Variants in PRPS1 observed in about 807,000 individuals in gnomAD.
PRPS1 encodes ribose-phosphate pyrophosphokinase 1.
A neutral mutation model predicts 16.9 loss-of-function variants in PRPS1; 1 was observed. The observed-to-expected ratio is 0.06, with a 90% CI of 0.02 to 0.28. The LOEUF (loss-of-function observed/expected upper bound fraction) is 0.28, where lower values mean the gene tolerates loss of function less well. Ranked by LOEUF, PRPS1 falls within the 10% of genes least tolerant of loss-of-function variation. PRPS1 has a pLI of 1.00. For synonymous variants in PRPS1, 70 were observed against 90.2 expected, an observed-to-expected ratio of 0.78 and a Z score of 1.27; for missense variants, 47 against 254.0, an observed-to-expected ratio of 0.19 and a Z score of 5.54.
At chrX:107,635,657 G>A (rs1213747184) in intron 1 of PRPS1, among the ~76,000 whole-genome samples, 1 of 110,023 alleles carries the variant, frequency 9.1e-6, no homozygotes, top group Non-Finnish European at 1.9e-5. Flanking sequence ...TCAAACTCTT[G>A]GGCTCAAGCG....
At chrX:107,639,054 A>G (rs1426524699) in intron 1 of PRPS1, among the ~76,000 whole-genome samples, 1 of 112,504 alleles carries the variant, frequency 8.9e-6, no homozygotes, top group African/African-American at 3.2e-5. Context: ...ACTTTAAATC[A>G]TCTCTAGATT....
chrX:107,645,537 A>G (rs756236747), intron 5 of PRPS1, among the ~76,000 whole-genome samples, 187 bp downstream of exon 5: 1 of 110,504 alleles, frequency 9.0e-6, no homozygotes, highest in Non-Finnish European at 1.9e-5. Context: ...TTTTTTTCAG[A>G]TTTTCTTATT....
At chrX:107,645,412 G>A in intron 5 of PRPS1, 62 bp downstream of exon 5, 1 of 1,173,979 alleles carries the variant, frequency 8.5e-7, no homozygotes, top group South Asian at 1.8e-5. Context: ...CTGTCTGAAT[G>A]TCTTCAGCCT....
intron 1 of PRPS1, among the ~76,000 whole-genome samples, chrX:107,632,200 C>T (rs1029304366): frequency 1.8e-5 from 2 of 112,085 alleles, no homozygotes; most frequent in African/African-American, 6.5e-5. Context: ...AGATCTCTCA[C>T]CTGGCTTTAA....
chrX:107,634,772 G>A (rs2041417821), intron 1 of PRPS1, among the ~76,000 whole-genome samples: 2 of 110,427 alleles, frequency 1.8e-5, no homozygotes, highest in South Asian at 7.6e-4. Context: ...TGTAAAGGGA[G>A]ATAAGCCACT....
At chrX:107,635,952 C>A (rs1038161180) in intron 1 of PRPS1, among the ~76,000 whole-genome samples, 12 of 102,786 alleles carry the variant, frequency 1.2e-4, no homozygotes, top group Non-Finnish European at 2.0e-5. Context: ...TCCAGCTACT[C>A]GGGAGGCTGA....
chrX:107,650,054 T>C lies in PRPS1; in HGVS notation c.*22T>C, dbSNP rs779558146. ...ATAATAGAGTAACTTCTGAGGCTTT[T>C]TGAGAATAAAATCCACCCCACCCTT... On this transcript the variant is annotated 3_prime_UTR_variant, in exon 7 of 7. Coordinates refer to ENST00000372435, the MANE Select transcript of PRPS1 (RefSeq NM_002764.4). The C allele has an allele frequency of 8.3e-7, 1 of 1,211,662 alleles. No homozygotes were observed. The highest frequency in any genetic ancestry group is 1.8e-5 in the South Asian group (1 of 57,014).
chrX:107,646,638 A>G (rs1261238260), intron 5 of PRPS1, among the ~76,000 whole-genome samples: 2 of 112,327 alleles, frequency 1.8e-5, no homozygotes, highest in Non-Finnish European at 3.8e-5. Context: ...GCACACTCCA[A>G]TGCAAGTGTT....
intron 1 of PRPS1, among the ~76,000 whole-genome samples, chrX:107,635,825 T>C (rs1460399034): frequency 1.8e-5 from 2 of 108,980 alleles, no homozygotes; most frequent in East Asian, 2.9e-4. Context: ...CTTTGGGAGG[T>C]CAAGGCGGGC....
At chrX:107,639,804 A>C (rs1445524472) in intron 2 of PRPS1, among the ~76,000 whole-genome samples, 1 of 111,598 alleles carries the variant, frequency 9.0e-6, no homozygotes, top group Non-Finnish European at 1.9e-5. Flanking sequence ...TCAAACTGTA[A>C]GATTGGGATC....
In PRPS1 at chrX:107,640,891, C is replaced by A; in HGVS notation, c.307-11C>A. 2.5e-6 allele frequency: 3 copies of A among 1,210,102 alleles called. No homozygotes were observed. The highest frequency in any genetic ancestry group is 3.4e-6 in the Non-Finnish European group (3 of 894,216). ...TTTTGGTTTTTCTTTTCTTTCCTCC[C>A]CTCCATTTAGAGCCGGGCGCCAATC... On this transcript the variant is annotated splice_polypyrimidine_tract_variant and intron_variant, in intron 2 of 6. Transcript: ENST00000372435.
At chrX:107,641,065 C>T in intron 3 of PRPS1, 65 bp downstream of exon 3, 1 of 1,211,063 alleles carries the variant, frequency 8.3e-7, no homozygotes, top group Non-Finnish European at 1.1e-6. Flanking sequence ...ATGCTGAAGA[C>T]TGCAGAGAAG....
In PRPS1 at chrX:107,645,326, G is replaced by A. The variant is rs769401404; in HGVS notation, c.680G>A (p.Gly227Asp). The change falls in exon 5 of 7, where the codon GGC (glycine) becomes GAC (aspartate). Residue 227 changes from glycine to aspartate, a missense_variant. By Grantham distance (94) the Gly-to-Asp change is moderately conservative (BLOSUM62 -1). Around this residue, in one of 3 missense-constraint regions of PRPS1, gnomAD observed 26 missense variants for 70.2 expected, o/e 0.37. Transcript: ENST00000372435. ...GTGGATGACATGGCTGACACTTGTGGCACAATCTGCCATGCAGCTGACAAG... is the reference window on the plus strand; with the variant it reads ...GTGGATGACATGGCTGACACTTGTGACACAATCTGCCATGCAGCTGACAAG... Reference protein sequence around the residue: ...ILVDDMADTCGTICHAADKLL... With the variant: ...ILVDDMADTCDTICHAADKLL... 1.7e-6 allele frequency: 2 copies of A among 1,210,239 alleles called. No homozygotes were observed. The highest frequency in any genetic ancestry group is 2.2e-6 in the Non-Finnish European group (2 of 895,374).
chrX:107,649,877 G>A, intron 6 of PRPS1, 63 bp from the exon 7 acceptor site: 1 of 1,211,016 alleles, frequency 8.3e-7, no homozygotes, highest in Non-Finnish European at 1.1e-6. Context: ...ATCAGTGTCT[G>A]CAAATTGGCC....
chrX:107,638,810 G>T (rs1430185200), intron 1 of PRPS1, among the ~76,000 whole-genome samples: 2 of 111,103 alleles, frequency 1.8e-5, no homozygotes, highest in Non-Finnish European at 3.8e-5. Flanking sequence ...TTAGCTCACT[G>T]CAACCTCCGC....
At chrX:107,644,805 ATTTCTTTT>A (rs1925653619) in intron 4 of PRPS1, among the ~76,000 whole-genome samples, 1 of 109,144 alleles carries the variant, frequency 9.2e-6, no homozygotes, top group Non-Finnish European at 1.9e-5. Context: ...TCTTTAGTCC[ATTTCTTTT>A]TTTCTTTTTT....
intron 4 of PRPS1, among the ~76,000 whole-genome samples, chrX:107,644,822 T>C (rs1017045651): frequency 5.4e-5 from 6 of 110,942 alleles, no homozygotes; most frequent in Non-Finnish European, 1.1e-4. Flanking sequence ...TTTTTCTTTT[T>C]TTTTTGTTTT....
intron 1 of PRPS1, among the ~76,000 whole-genome samples, chrX:107,631,967 G>A (rs1484388322): frequency 8.9e-6 from 1 of 112,776 alleles, no homozygotes; most frequent in Non-Finnish European, 1.9e-5. Context: ...GGGATTATAG[G>A]TGTGAGCTAC....
At chrX:107,648,709 AT>A (rs764913865) in intron 6 of PRPS1, among the ~76,000 whole-genome samples, 1 of 107,529 alleles carries the variant, frequency 9.3e-6, no homozygotes, top group African/African-American at 3.4e-5. Context: ...ATTCTTAAGG[AT>A]TTTTTTTCAA....
Sources: allele counts gnomAD v4.1 joint callset (sites outside exome capture counted in the v4.1 genomes callset), GRCh38; gene constraint gnomAD v4.1.1; regional missense constraint gnomAD v4.1.1; transcripts MANE v1.5; gene names NCBI Gene and HGNC (gene_info 2026-07-23, HGNC 2026-07-21).